The following PTH2R variants were observed in gnomAD, a reference collection of about 807,000 sequenced individuals.
PTH2R encodes the protein parathyroid hormone 2 receptor.
PTH2R carries 59 observed loss-of-function variants against 60.3 expected under a neutral mutation model. The ratio of observed to expected loss-of-function variants is 0.98; its 90% CI spans 0.79 to 1.22. PTH2R has a LOEUF of 1.22. Ranked by LOEUF, PTH2R falls within the 50% of genes most tolerant of loss-of-function variation. PTH2R has a pLI of 0.00. For synonymous variants in PTH2R, 256 were observed against 243.8 expected (o/e 1.05, Z -0.47); for missense variants, 749 against 682.6 (o/e 1.10, Z -1.08).
chr2:208,475,155 GT>G (rs1479022757), intron 9 of PTH2R, among the ~76,000 whole-genome samples: 1 of 152,148 alleles, frequency 6.6e-6, no homozygotes, highest in African/African-American at 2.4e-5. Context: ...TTTATAATGA[GT>G]TGATTCATCT....
intron 1 of PTH2R, among the ~76,000 whole-genome samples, chr2:208,365,952 A>T (rs1224922740): frequency 5.1e-5 from 1 of 19,432 alleles, no homozygotes; most frequent in Non-Finnish European, 9.1e-5. Context: ...ATATATATAT[A>T]TATATATATT....
chr2:208,360,577 G>C (rs1700445715), intron 1 of PTH2R: 1 of 154,068 alleles, frequency 6.5e-6, no homozygotes, highest in Non-Finnish European at 1.4e-5. Context: ...CGCAAGCCGC[G>C]CTGCCGGCTC....
At chr2:208,443,986 G>A (rs1702239226) in intron 6 of PTH2R, among the ~76,000 whole-genome samples, 1 of 152,176 alleles carries the variant, frequency 6.6e-6, no homozygotes, top group Non-Finnish European at 1.5e-5. Flanking sequence ...CCTGGTGGTA[G>A]TAAATAGATT....
chr2:208,445,286 T>G (rs1269507149), intron 7 of PTH2R, among the ~76,000 whole-genome samples: 1 of 152,222 alleles, frequency 6.6e-6, no homozygotes, highest in Non-Finnish European at 1.5e-5. Context: ...TATTTCTAGG[T>G]CATATGATGA....
intron 9 of PTH2R, among the ~76,000 whole-genome samples, chr2:208,480,189 A>G (rs1455657542): frequency 6.6e-6 from 1 of 152,156 alleles, no homozygotes; most frequent in East Asian, 1.9e-4. Flanking sequence ...ATGATTGAGG[A>G]TTCTGCCAGA....
intron 1 of PTH2R, among the ~76,000 whole-genome samples, chr2:208,414,024 G>A (rs1239012507): frequency 2.0e-5 from 3 of 152,080 alleles, no homozygotes; most frequent in Admixed American, 6.6e-5. Context: ...CCCTATCTTA[G>A]TGCACCTAAT....
At chr2:208,397,144 G>A (rs1399655423) in intron 1 of PTH2R, among the ~76,000 whole-genome samples, 3 of 152,102 alleles carry the variant, frequency 2.0e-5, no homozygotes, top group African/African-American at 7.2e-5. Context: ...ATCACATGCT[G>A]GCGCCTGTTG....
At chr2:208,386,281 G>A (rs1701000048) in intron 1 of PTH2R, among the ~76,000 whole-genome samples, 1 of 152,178 alleles carries the variant, frequency 6.6e-6, no homozygotes, top group Non-Finnish European at 1.5e-5. Context: ...TGCTGTGATG[G>A]ATGGACTTGG....
At position 208,415,974 on chromosome 2, in the gene PTH2R, G is replaced by A. The variant is rs551678475; in HGVS notation, c.75+8856G>A. On this transcript the variant is annotated intron_variant, in intron 1 of 12. Coordinates refer to ENST00000272847, the MANE Select transcript of PTH2R (RefSeq NM_005048.4). ...CTTACCTTTTGAAAAGAATAGAGTTGAGGATGTTGTAGCAACATCAATAAT... is the reference window on the plus strand; with the variant it reads ...CTTACCTTTTGAAAAGAATAGAGTTAAGGATGTTGTAGCAACATCAATAAT... 2.6e-5 allele frequency among the ~76,000 whole-genome samples: 4 copies of A among 152,264 alleles called. No individual in the cohort carries two copies. In the East Asian group the frequency reaches 7.7e-4, roughly 29 times the overall value.
At chr2:208,419,757 CA>C (rs1358239242) in intron 1 of PTH2R, among the ~76,000 whole-genome samples, 1 of 152,138 alleles carries the variant, frequency 6.6e-6, no homozygotes, top group African/African-American at 2.4e-5. Context: ...CCAGTTTTCC[CA>C]GCACCATTTA....
intron 10 of PTH2R, among the ~76,000 whole-genome samples, chr2:208,486,464 G>T (rs1462429505): frequency 6.6e-6 from 1 of 152,170 alleles, no homozygotes; most frequent in African/African-American, 2.4e-5. Flanking sequence ...TGCTACACTG[G>T]TGTATTTTTT....
In PTH2R at chr2:208,427,386, CAG is replaced by C. The variant is rs1353460709; in HGVS notation, c.76-814_76-813del. On this transcript the variant is annotated intron_variant, in intron 1 of 12. Transcript: ENST00000272847. The stretch of plus-strand genomic sequence containing the variant: ...ATATGTGAGATTTTAGGCTCACTTT[CAG>C]TGTATCTACTTATAACTCAGAATCC... Among the ~76,000 whole-genome samples, 13 of 152,222 alleles carry C rather than the reference CAG, an allele frequency of 8.5e-5. No individual in the cohort carries two copies. In the East Asian group the frequency reaches 1.4e-3, roughly 16 times the overall value.
chr2:208,472,409 CA>C lies in PTH2R; in HGVS notation c.982-8658del, dbSNP rs374718137. On this transcript the variant is annotated intron_variant, in intron 9 of 12. Coordinates refer to ENST00000272847, the MANE Select transcript of PTH2R (RefSeq NM_005048.4). Reference sequence around the variant, plus strand: ...CAGTTCGCAACAAGTTCCTCACCTCCAAATCTCATCTTGAATTCCCACATGT... The same window carrying C: ...CAGTTCGCAACAAGTTCCTCACCTCCAATCTCATCTTGAATTCCCACATGT... 3.5e-4 allele frequency among the ~76,000 whole-genome samples: 53 copies of C among 152,258 alleles called. No individual in the cohort carries two copies. In the East Asian group the frequency reaches 9.3e-3, roughly 27 times the overall value.
intron 1 of PTH2R, among the ~76,000 whole-genome samples, chr2:208,409,975 C>T (rs138017590): frequency 6.6e-6 from 1 of 152,108 alleles, no homozygotes; most frequent in East Asian, 1.9e-4. Context: ...AAGGATTGGA[C>T]AGGGGTAACC....
chr2:208,471,852 G>A (rs1702889392), intron 9 of PTH2R, among the ~76,000 whole-genome samples: 1 of 152,246 alleles, frequency 6.6e-6, no homozygotes, highest in East Asian at 1.9e-4. Context: ...CAGGAGGGGG[G>A]CTATACCCTG....
intron 8 of PTH2R, among the ~76,000 whole-genome samples, chr2:208,456,960 C>G (rs1192570031): frequency 6.6e-6 from 1 of 152,150 alleles, no homozygotes; most frequent in African/African-American, 2.4e-5. Flanking sequence ...TTAGAGGTAG[C>G]TGGTTTTGAC....
intron 1 of PTH2R, among the ~76,000 whole-genome samples, chr2:208,392,561 C>G (rs533259603): frequency 2.6e-5 from 4 of 152,110 alleles, no homozygotes; most frequent in African/African-American, 9.7e-5. Context: ...GGCTCCCATG[C>G]GAGCTAGAAT....
intron 10 of PTH2R, among the ~76,000 whole-genome samples, chr2:208,488,180 A>G (rs928790126): frequency 1.3e-5 from 2 of 152,208 alleles, no homozygotes; most frequent in Admixed American, 1.3e-4. Flanking sequence ...TAGTTTGCCA[A>G]AAAGACAGAC....
chr2:208,360,966 G>C (rs1351929690), intron 1 of PTH2R: 1 of 226,148 alleles, frequency 4.4e-6, no homozygotes, highest in Non-Finnish European at 9.3e-6. Context: ...TGGGATGCCA[G>C]TCCAGGCTGA....
Sources: allele counts gnomAD v4.1 joint callset (sites outside exome capture counted in the v4.1 genomes callset), GRCh38; gene constraint gnomAD v4.1.1; transcripts MANE v1.5; gene names NCBI Gene and HGNC (gene_info 2026-07-23, HGNC 2026-07-21).